CNTNAP2: variants seen among roughly 807,000 people sequenced by gnomAD.
CNTNAP2 encodes the protein contactin-associated protein-like 2.
In CNTNAP2, 98 loss-of-function variants were observed where a neutral mutation model predicts 155.2. The observed-to-expected ratio is 0.63, with a 90% CI of 0.54 to 0.75. The LOEUF is 0.75. CNTNAP2 is among the 30% of genes least tolerant of loss of function. The pLI is 0.00. For synonymous variants in CNTNAP2, 651 were observed against 631.2 expected, an observed-to-expected ratio of 1.03 and a Z score of -0.47; for missense variants, 1,727 against 1,688.1, an observed-to-expected ratio of 1.02 and a Z score of -0.40.
chr7:147,567,181 A>G (rs1212307311), intron 12 of CNTNAP2, among the ~76,000 whole-genome samples: 1 of 152,210 alleles, frequency 6.6e-6, no homozygotes, highest in East Asian at 1.9e-4. Flanking sequence ...GTTCTAAATG[A>G]CAGAGCATTT....
At chr7:146,830,950 C>A (rs6464774) in intron 2 of CNTNAP2, among the ~76,000 whole-genome samples, 1 of 152,010 alleles carries the variant, frequency 6.6e-6, no homozygotes, top group Non-Finnish European at 1.5e-5. Flanking sequence ...ATTTTTTAAT[C>A]TACCTAAAAC....
chr7:147,103,473 G>A (rs1296727512), intron 4 of CNTNAP2, among the ~76,000 whole-genome samples: 1 of 152,076 alleles, frequency 6.6e-6, no homozygotes. Flanking sequence ...GAAATGAAAT[G>A]TATTTCAAAC....
rs529322150 is a variant in CNTNAP2, at chr7:146,469,925, C to T, written c.98-304346C>T. On this transcript the variant is annotated intron_variant, in intron 1 of 23. Coordinates refer to ENST00000361727, the MANE Select transcript of CNTNAP2 (RefSeq NM_014141.6). ...AGCAATCTCGGCTCACTGCAAACTC[C>T]GCCTCACGGGTTCACGCGGTTCTCC... is the stretch of plus-strand genomic sequence containing the variant. 5.9e-5 allele frequency among the ~76,000 whole-genome samples: 9 copies of T among 151,544 alleles called. No individual in the cohort carries two copies. In the South Asian group the frequency reaches 6.3e-4, roughly 11 times the overall value.
intron 1 of CNTNAP2, among the ~76,000 whole-genome samples, chr7:146,185,752 T>C (rs1208922924): frequency 6.7e-6 from 1 of 148,562 alleles, no homozygotes; most frequent in Non-Finnish European, 1.5e-5. Context: ...GAGTGAACTT[T>C]TTATTATTCT....
At chr7:147,373,482 A>G (rs1237614941) in intron 9 of CNTNAP2, among the ~76,000 whole-genome samples, 1 of 152,152 alleles carries the variant, frequency 6.6e-6, no homozygotes, top group Non-Finnish European at 1.5e-5. Flanking sequence ...CTTCAAATGT[A>G]GAATAATTTT....
chr7:146,837,950 G>A (rs1803649731), intron 2 of CNTNAP2, among the ~76,000 whole-genome samples: 1 of 152,056 alleles, frequency 6.6e-6, no homozygotes, highest in Admixed American at 6.6e-5. Context: ...CCTTTACCTG[G>A]TCTTGTGCAG....
At chr7:147,090,047 C>T (rs1182670201) in intron 4 of CNTNAP2, among the ~76,000 whole-genome samples, 2 of 152,092 alleles carry the variant, frequency 1.3e-5, no homozygotes, top group Admixed American at 6.6e-5. Context: ...GAAAATAAAC[C>T]AGCTACCTCA....
At chr7:147,791,187 G>C (rs911725199) in intron 13 of CNTNAP2, among the ~76,000 whole-genome samples, 2 of 151,826 alleles carry the variant, frequency 1.3e-5, no homozygotes, top group Non-Finnish European at 2.9e-5. Context: ...AGATGCCTCT[G>C]ATGACATTTT....
chr7:147,277,095 TAA>T (rs1804911863), intron 8 of CNTNAP2, among the ~76,000 whole-genome samples: 1 of 152,042 alleles, frequency 6.6e-6, no homozygotes, highest in African/African-American at 2.4e-5. Context: ...TTTATCTTTA[TAA>T]AACACCAATG....
At chr7:146,154,739 G>T (rs1233803481) in intron 1 of CNTNAP2, among the ~76,000 whole-genome samples, 1 of 152,148 alleles carries the variant, frequency 6.6e-6, no homozygotes, top group Non-Finnish European at 1.5e-5. Context: ...TGCCTCATCA[G>T]CTCTCTGGGC....
chr7:146,402,837 C>T (rs774387869), intron 1 of CNTNAP2, among the ~76,000 whole-genome samples: 3 of 151,824 alleles, frequency 2.0e-5, no homozygotes, highest in East Asian at 3.9e-4. Context: ...ATGAATCTTC[C>T]GGTTGAATTT....
At chr7:147,895,410 A>G (rs1799761390) in intron 13 of CNTNAP2, among the ~76,000 whole-genome samples, 1 of 152,194 alleles carries the variant, frequency 6.6e-6, no homozygotes, top group Non-Finnish European at 1.5e-5. Context: ...GAGTACAAAC[A>G]GTATAGTGAT....
At chr7:148,227,936 A>G (rs1055037948) in intron 19 of CNTNAP2, among the ~76,000 whole-genome samples, 2 of 118,070 alleles carry the variant, frequency 1.7e-5, no homozygotes, top group African/African-American at 6.5e-5. Context: ...TGTGTGTGTG[A>G]AAGTCTGGAA....
chr7:147,137,606 T>C (rs1801510369), intron 8 of CNTNAP2, among the ~76,000 whole-genome samples: 1 of 151,840 alleles, frequency 6.6e-6, no homozygotes, highest in African/African-American at 2.4e-5. Context: ...TTTCCTTACT[T>C]AGAAACATGT....
intron 9 of CNTNAP2, among the ~76,000 whole-genome samples, chr7:147,376,366 GA>G (rs1193082070): frequency 1.3e-5 from 2 of 151,880 alleles, no homozygotes; most frequent in East Asian, 3.9e-4. Flanking sequence ...TGAGGGGAGG[GA>G]CCTAGCATTT....
intron 15 of CNTNAP2, among the ~76,000 whole-genome samples, chr7:148,094,306 A>G (rs192254853): frequency 6.6e-6 from 1 of 152,254 alleles, no homozygotes; most frequent in Non-Finnish European, 1.5e-5. Flanking sequence ...TAAATGACAC[A>G]TATTAAACAT....
chr7:147,778,929 G>A (rs1424837682), intron 13 of CNTNAP2, among the ~76,000 whole-genome samples: 1 of 152,178 alleles, frequency 6.6e-6, no homozygotes, highest in Non-Finnish European at 1.5e-5. Flanking sequence ...TACTCTATGT[G>A]TGGAAGGGAG....
At chr7:146,118,343 G>C (rs926391489) in intron 1 of CNTNAP2, among the ~76,000 whole-genome samples, 3 of 152,044 alleles carry the variant, frequency 2.0e-5, no homozygotes, top group Admixed American at 2.0e-4. Context: ...AAATCACAAA[G>C]AGTTAAATAT....
intron 7 of CNTNAP2, among the ~76,000 whole-genome samples, chr7:147,131,132 C>G (rs181350053): frequency 6.8e-6 from 1 of 146,642 alleles, no homozygotes; most frequent in Non-Finnish European, 1.5e-5. Flanking sequence ...CATATATATA[C>G]CATATACATA....
Sources: allele counts gnomAD v4.1 joint callset (sites outside exome capture counted in the v4.1 genomes callset), GRCh38; gene constraint gnomAD v4.1.1; transcripts MANE v1.5; gene names NCBI Gene and HGNC (gene_info 2026-07-23, HGNC 2026-07-21).